The following PPP2R2B variants were observed in gnomAD, a reference collection of about 807,000 sequenced individuals.
PPP2R2B encodes protein phosphatase 2 regulatory subunit Bbeta.
Under a neutral mutation model 46.0 loss-of-function variants are expected in PPP2R2B, and 5 were observed. The ratio of observed to expected loss-of-function variants is 0.11; its 90% CI spans 0.06 to 0.23. The LOEUF (loss-of-function observed/expected upper bound fraction) is 0.23, where lower values mean the gene tolerates loss of function less well. Ranked by LOEUF, PPP2R2B falls within the 10% of genes least tolerant of loss-of-function variation. The pLI is 1.00. For missense variants in PPP2R2B, 367 were observed against 575.0 expected, an observed-to-expected ratio of 0.64 and a Z score of 3.70; for synonymous variants, 215 against 206.7, an observed-to-expected ratio of 1.04 and a Z score of -0.34.
chr5:146,632,091 G>C (rs955405093), intron 7 of PPP2R2B, among the ~76,000 whole-genome samples: 1 of 119,552 alleles, frequency 8.4e-6, no homozygotes, highest in Non-Finnish European at 1.6e-5. Context: ...ATATATTGAA[G>C]TCCTAACTCC....
At chr5:146,989,080 T>C (rs1372201143) in intron 1 of PPP2R2B, among the ~76,000 whole-genome samples, 1 of 151,908 alleles carries the variant, frequency 6.6e-6, no homozygotes, top group East Asian at 1.9e-4. Flanking sequence ...AACAGACCAA[T>C]AATGAGCAAT....
chr5:146,638,143 A>C (rs1703071264), intron 7 of PPP2R2B, 108 bp downstream of exon 7: 1 of 1,124,446 alleles, frequency 8.9e-7, no homozygotes, highest in Non-Finnish European at 1.2e-6. Context: ...TAGTTTCTTT[A>C]CTCCTAGTGT....
chr5:146,772,383 CATATATATATATATATATAT>C (rs33981708), intron 2 of PPP2R2B, among the ~76,000 whole-genome samples: 3,320 of 133,524 alleles, frequency 0.025, 126 homozygotes, highest in African/African-American at 0.065. Flanking sequence ...ATAACTTGTG[CATATATATATATATATATAT>C]ATATATATAT....
At position 146,647,674 on chromosome 5, in the gene PPP2R2B, G is replaced by T. The variant is rs577454540; in HGVS notation, c.625+2873C>A. ...GCATCTGTCTCCCAAAATGCCTAAAGAAACTCCCCTCCCCCTTGAAGGCCT... is the reference window on the plus strand; with the variant it reads ...GCATCTGTCTCCCAAAATGCCTAAATAAACTCCCCTCCCCCTTGAAGGCCT... On this transcript the variant is annotated intron_variant, in intron 6 of 9. Transcript: ENST00000394411. Among the ~76,000 whole-genome samples, 4 of 152,234 alleles carry T rather than the reference G, an allele frequency of 2.6e-5. No homozygotes were observed. The South Asian group carries it at 8.3e-4, about 32-fold the overall frequency.
At chr5:146,831,498 CAAAAAAAAAAAAA>C (rs34975709) in intron 2 of PPP2R2B, among the ~76,000 whole-genome samples, 1 of 54,920 alleles carries the variant, frequency 1.8e-5, no homozygotes, top group Admixed American at 2.9e-4. Context: ...CTCCATCTCT[CAAAAAAAAAAAAA>C]AAAAAAAAAA....
rs375935676 is a variant in PPP2R2B, at chr5:146,620,851, C to T, written c.790+17400G>A. 8.5e-5 allele frequency among the ~76,000 whole-genome samples: 13 copies of T among 152,314 alleles called. No individual in the cohort carries two copies. In the East Asian group the frequency reaches 2.3e-3, roughly 27 times the overall value. ...CCGAACTCCCTGGGGAGCCTCTGCC[C>T]AGGTGGAAGAGCTCTCGAGTGGCTA... On this transcript the variant is annotated intron_variant, in intron 7 of 9. Transcript: ENST00000394411.
intron 2 of PPP2R2B, among the ~76,000 whole-genome samples, chr5:146,776,205 A>C (rs575225625): frequency 6.6e-6 from 1 of 152,258 alleles, no homozygotes; most frequent in South Asian, 2.1e-4. Context: ...TTCATCTTGA[A>C]AAAGAATAAA....
chr5:146,750,326 T>C (rs2151235555), intron 2 of PPP2R2B, among the ~76,000 whole-genome samples: 1 of 152,378 alleles, frequency 6.6e-6, no homozygotes, highest in South Asian at 2.1e-4. Flanking sequence ...GATCTGTATT[T>C]ATAAAAATCT....
chr5:146,870,788 C>T (rs1050123983), intron 2 of PPP2R2B, among the ~76,000 whole-genome samples: 1 of 152,172 alleles, frequency 6.6e-6, no homozygotes, highest in Non-Finnish European at 1.5e-5. Flanking sequence ...CAGACCCCCA[C>T]CCCACTTCAT....
chr5:146,970,244 G>A (rs938381006), intron 1 of PPP2R2B, among the ~76,000 whole-genome samples: 30 of 152,232 alleles, frequency 2.0e-4, no homozygotes, highest in African/African-American at 7.2e-4. Flanking sequence ...CAGTGAGTCT[G>A]GCACCAGAAC....
intron 2 of PPP2R2B, among the ~76,000 whole-genome samples, chr5:146,737,478 G>A (rs1752607259): frequency 6.6e-6 from 1 of 152,168 alleles, no homozygotes; most frequent in Admixed American, 6.5e-5. Flanking sequence ...CTTGCACAGA[G>A]CATGATTCAA....
Position 146,691,119 on chromosome 5 carries a change from T to C in PPP2R2B, c.447+9A>G. On this transcript the variant is annotated intron_variant, in intron 5 of 9. Transcript: ENST00000394411. ...GACTGTGGTGGCCAGGGCAGCTGTTTGCACTCACCCGCAGGGTTGTGATGG... is the reference window on the plus strand; with the variant it reads ...GACTGTGGTGGCCAGGGCAGCTGTTCGCACTCACCCGCAGGGTTGTGATGG... 1.2e-6 allele frequency: 2 copies of C among 1,612,786 alleles called. No individual in the cohort carries two copies. Among genetic ancestry groups the C allele is most frequent in the Non-Finnish European group, 1.7e-6 (2 of 1,179,122 alleles).
chr5:146,855,880 A>T (rs1469134525), intron 2 of PPP2R2B, among the ~76,000 whole-genome samples: 2 of 152,184 alleles, frequency 1.3e-5, no homozygotes, highest in African/African-American at 4.8e-5. Context: ...ACTTCATCCA[A>T]ATCAAGTGTA....
chr5:147,027,784 A>G (rs1755601127), intron 1 of PPP2R2B, among the ~76,000 whole-genome samples: 2 of 152,286 alleles, frequency 1.3e-5, no homozygotes, highest in South Asian at 2.1e-4. Context: ...TCCTTGAATT[A>G]TACTCTTTAA....
intron 1 of PPP2R2B, among the ~76,000 whole-genome samples, chr5:147,023,501 A>G (rs549254349): frequency 1.3e-5 from 2 of 152,348 alleles, no homozygotes; most frequent in East Asian, 3.9e-4. Flanking sequence ...TACACTTTAA[A>G]TATAAAACAT....
chr5:146,691,955 T>C (rs1003517249), intron 4 of PPP2R2B, among the ~76,000 whole-genome samples: 2 of 152,224 alleles, frequency 1.3e-5, no homozygotes, highest in Admixed American at 6.5e-5. Context: ...TACCTAAAAA[T>C]GCTGTCCTCA....
chr5:147,076,261 G>T (rs959848367), intron 2 of PPP2R2B, among the ~76,000 whole-genome samples: 14 of 151,932 alleles, frequency 9.2e-5, no homozygotes, highest in African/African-American at 3.4e-4. Context: ...ATATTGTTAA[G>T]TAAAAACATC....
chr5:146,757,296 T>C (rs923422617), intron 2 of PPP2R2B, among the ~76,000 whole-genome samples: 1 of 152,154 alleles, frequency 6.6e-6, no homozygotes, highest in Non-Finnish European at 1.5e-5. Context: ...TTTATATAAA[T>C]TTATGACATT....
chr5:146,750,159 C>T (rs928082375), intron 2 of PPP2R2B, among the ~76,000 whole-genome samples: 1 of 152,182 alleles, frequency 6.6e-6, no homozygotes, highest in South Asian at 2.1e-4. Context: ...ATCTATGCCT[C>T]TATCTGTCTG....
Sources: allele counts gnomAD v4.1 joint callset (sites outside exome capture counted in the v4.1 genomes callset), GRCh38; gene constraint gnomAD v4.1.1; transcripts MANE v1.5; gene names NCBI Gene and HGNC (gene_info 2026-07-23, HGNC 2026-07-21).